KCNN4: variants seen among roughly 807,000 people sequenced by gnomAD.
KCNN4 encodes the protein potassium calcium-activated channel subfamily N member 4.
Under a neutral mutation model 45.2 loss-of-function variants are expected in KCNN4, and 31 were observed. That is an observed-to-expected ratio of 0.69 (90% CI 0.52 to 0.92). KCNN4 has a LOEUF of 0.92. Among genes scored for constraint, KCNN4 ranks in the 40% least tolerant of loss-of-function variants. The pLI, the probability that KCNN4 is intolerant of heterozygous loss-of-function variation, is 0.00. For synonymous variants in KCNN4, 231 were observed against 254.6 expected, an observed-to-expected ratio of 0.91 and a Z score of 0.88; for missense variants, 463 against 574.0, an observed-to-expected ratio of 0.81 and a Z score of 1.98.
chr19:43,768,417 G>A (rs752423898), intron 7 of KCNN4, among the ~76,000 whole-genome samples: 48 of 152,324 alleles, frequency 3.2e-4, no homozygotes, highest in South Asian at 6.2e-4. Context: ...AAGCACTGGC[G>A]AAATCAAATG....
rs1421443221 is a variant in KCNN4, at chr19:43,774,558, G to C, written c.317C>G (p.Ala106Gly). 1 of 1,557,912 alleles carries C rather than the reference G, an allele frequency of 6.4e-7. No homozygotes were observed. Among genetic ancestry groups the C allele is most frequent in the Non-Finnish European group, 8.6e-7 (1 of 1,160,918 alleles). Residue 106 changes from alanine to glycine, a missense_variant, in exon 3 of 9, where the codon GCG (alanine) becomes GGG (glycine). Coordinates refer to ENST00000648319, the MANE Select transcript of KCNN4 (RefSeq NM_002250.3). The surrounding 1 kb of genome is among the most constrained non-coding windows in gnomAD (Gnocchi z 5.6). ...CACCACCAGCTCCAGCACGATCTGCGCCGCCTGCCGCCCGGTCAGCGCCAC... is the reference window on the plus strand; with the variant it reads ...CACCACCAGCTCCAGCACGATCTGCCCCGCCTGCCGCCCGGTCAGCGCCAC... The part of the protein sequence containing the change: ...WRVALTGRQA[A>G]QIVLELVVCG...
intron 2 of KCNN4, 30 bp downstream of exon 2, chr19:43,776,511 A>G: frequency 6.8e-7 from 1 of 1,480,254 alleles, no homozygotes; most frequent in South Asian, 1.1e-5. Context: ...GGTTGGAGGG[A>G]GCAAGGCTTA....
At chr19:43,777,495 C>T (rs1332228350) in intron 1 of KCNN4, among the ~76,000 whole-genome samples, 1 of 152,064 alleles carries the variant, frequency 6.6e-6, no homozygotes, top group East Asian at 1.9e-4. Flanking sequence ...CTGAGTCACA[C>T]CCTTCTCTGC....
At chr19:43,775,391 A>G (rs1038421595) in intron 2 of KCNN4, among the ~76,000 whole-genome samples, 2 of 152,242 alleles carry the variant, frequency 1.3e-5, no homozygotes, top group Admixed American at 6.5e-5. Context: ...TACGCCAGGT[A>G]CTGCTCTATC....
At chr19:43,776,773 T>C (rs1599679917) in intron 1 of KCNN4, 137 bp from the exon 2 acceptor site, 1 of 646,288 alleles carries the variant, frequency 1.5e-6, no homozygotes, top group Non-Finnish European at 2.8e-6. Flanking sequence ...AATCAGTCCC[T>C]CTTGATGTGT....
chr19:43,771,835 A>T (rs539659936), intron 4 of KCNN4, among the ~76,000 whole-genome samples, 165 bp downstream of exon 4: 1 of 152,114 alleles, frequency 6.6e-6, no homozygotes, highest in Non-Finnish European at 1.5e-5. Context: ...ACAGGTGAGT[A>T]TCTTGTTCTT....
Position 43,774,687 on chromosome 19 carries a change from G to A in KCNN4, c.256-68C>T. On this transcript the variant is annotated intron_variant, in intron 2 of 8. Transcript: ENST00000648319. The surrounding 1 kb of genome is among the most constrained non-coding windows in gnomAD (Gnocchi z 5.6). The stretch of plus-strand genomic sequence containing the variant: ...AGGCGCAGGTCAGGCGGCGGCCCGC[G>A]CCTGCCTGCGCCCTGAGATAAGTGG... 2 of 1,340,206 alleles carry A rather than the reference G, an allele frequency of 1.5e-6. No homozygotes were observed. The highest frequency in any genetic ancestry group is 2.0e-6 in the Non-Finnish European group (2 of 1,025,220). 83.0% of individuals were successfully genotyped at this position (1,340,206 alleles called of 1,614,324 possible).
chr19:43,769,069 G>C lies in KCNN4; in HGVS notation c.1050-37C>G. 6.2e-7 allele frequency: 1 copy of C among 1,605,914 alleles called. No individual in the cohort carries two copies. Among genetic ancestry groups the C allele is most frequent in the African/African-American group, 1.3e-5 (1 of 74,884 alleles). On this transcript the variant is annotated intron_variant, in intron 6 of 8. Transcript: ENST00000648319. This position sits in a 1 kb window ranked among gnomAD's most constrained non-coding sequence, Gnocchi z 4.4. ...AGTGGGGAGTCAGTTTTACAAGCCT[G>C]GTCCCTGAATGTAGCTGTAGCTCAG...
rs1969739307 is a variant in KCNN4, at chr19:43,774,505, C to G, written c.370G>C (p.Gly124Arg). ...VCGLHPAPVRGPPCVQDLGAP... is the reference protein window; with the variant it reads ...VCGLHPAPVRRPPCVQDLGAP... ...CCTAAATCCTGCACGCACGGCGGGC[C>G]CCGCACGGGCGCCGGGTGCAGCCCA... Residue 124 changes from glycine to arginine, a missense_variant, in exon 3 of 9, where the codon GGC becomes CGC. Physicochemically the swap from Gly to Arg is moderately radical, Grantham distance 125. Coordinates refer to ENST00000648319, the MANE Select transcript of KCNN4 (RefSeq NM_002250.3). This position sits in a 1 kb window ranked among gnomAD's most constrained non-coding sequence, Gnocchi z 5.6. The G allele has an allele frequency of 5.6e-6, 9 of 1,597,054 alleles. No homozygotes were observed. The East Asian group carries it at 2.0e-4, about 36-fold the overall frequency.
chr19:43,773,579 T>C (rs2146452334), intron 3 of KCNN4, among the ~76,000 whole-genome samples: 1 of 152,344 alleles, frequency 6.6e-6, no homozygotes, highest in East Asian at 1.9e-4. Flanking sequence ...CAGGTGATGC[T>C]GCTGGTCTTG....
Position 43,769,797 on chromosome 19 carries a change from C to G in KCNN4, c.852G>C (p.Val284=), listed in dbSNP as rs1272332709. The change falls in exon 5 of 9, where the codon GTG becomes GTC. Residue 284 remains valine, a synonymous_variant. Transcript: ENST00000648319. This position sits in a 1 kb window ranked among gnomAD's most constrained non-coding sequence, Gnocchi z 4.4. ...GVCCTALLVA[V]VARKLEFNKA... Reference sequence around the variant, plus strand: ...TGTTAAACTCCAGCTTCCGGGCCACCACGGCCACCAGCAGGGCTGTGCAGC... The same window carrying G: ...TGTTAAACTCCAGCTTCCGGGCCACGACGGCCACCAGCAGGGCTGTGCAGC... 6.2e-7 allele frequency: 1 copy of G among 1,613,660 alleles called. No homozygotes were observed. Among genetic ancestry groups the G allele is most frequent in the Non-Finnish European group, 8.5e-7 (1 of 1,179,936 alleles).
At position 43,772,270 on chromosome 19, in the gene KCNN4, C is replaced by G. The variant is rs1333964641; in HGVS notation, c.684-135G>C. The G allele has an allele frequency of 9.7e-6, 9 of 927,714 alleles. No individual in the cohort carries two copies. The highest frequency in any genetic ancestry group is 1.1e-5 in the Non-Finnish European group (7 of 641,146). 57.5% of individuals were successfully genotyped at this position (927,714 alleles called of 1,614,324 possible). A position where few individuals can be genotyped will look rare whatever the true frequency, so the allele number is the denominator to read the frequency against. Reference sequence around the variant, plus strand: ...CCCCTCCCAGTATACACCCATAGTCCTAAGAATCACCTGGACAAAAAGCCA... The same window carrying G: ...CCCCTCCCAGTATACACCCATAGTCGTAAGAATCACCTGGACAAAAAGCCA... On this transcript the variant is annotated intron_variant, in intron 3 of 8. Coordinates refer to ENST00000648319, the MANE Select transcript of KCNN4 (RefSeq NM_002250.3). This position sits in a 1 kb window ranked among gnomAD's most constrained non-coding sequence, Gnocchi z 4.4.
rs1162581117 is a variant in KCNN4 at position 43,774,427 on chromosome 19, C to T, written c.448G>A (p.Ala150Thr). 3.8e-6 allele frequency: 6 copies of T among 1,596,940 alleles called. No individual in the cohort carries two copies. Among genetic ancestry groups the T allele is most frequent in the Middle Eastern group, 1.7e-4 (1 of 6,048 alleles). Residue 150 changes from alanine (A) to threonine (T), a missense_variant, in exon 3 of 9, where the codon GCG becomes ACG. This residue lies in a region of KCNN4 where 225 missense variants were observed against 240.9 expected (regional missense o/e 0.93). Coordinates refer to ENST00000648319, the MANE Select transcript of KCNN4 (RefSeq NM_002250.3). This position sits in a 1 kb window ranked among gnomAD's most constrained non-coding sequence, Gnocchi z 5.6. ...PWPGFLGQGE[A>T]LLSLAMLLRL... ...AGCAGCATGGCCAGGGACAGCAGCG[C>T]TTCCCCTTGGCCCAGGAATCCCGGC...
At position 43,772,367 on chromosome 19, in the gene KCNN4, C is replaced by T. The variant is rs1005269730; in HGVS notation, c.684-232G>A. ...GTGACCTGGGCAAGTTGCTTAGCCA[C>T]TCTGGGATTTGAGACTGGGTCTGGC... On this transcript the variant is annotated intron_variant, in intron 3 of 8. Transcript: ENST00000648319. The surrounding 1 kb of genome is among the most constrained non-coding windows in gnomAD (Gnocchi z 4.4). Among the ~76,000 whole-genome samples the T allele has an allele frequency of 2.6e-5, 4 of 152,148 alleles. No homozygotes were observed. Among genetic ancestry groups the T allele is most frequent in the African/African-American group, 9.7e-5 (4 of 41,416 alleles).
At position 43,774,132 on chromosome 19, in the gene KCNN4, G is replaced by C; in HGVS notation, c.683+60C>G. ...GGCCTCAACCTGCACCGCGGCACAG[G>C]ACGGCCGCCGTGGCTGTCCGGGGTT... On this transcript the variant is annotated intron_variant, in intron 3 of 8. Coordinates refer to ENST00000648319, the MANE Select transcript of KCNN4 (RefSeq NM_002250.3). This position sits in a 1 kb window ranked among gnomAD's most constrained non-coding sequence, Gnocchi z 5.6. 3.3e-6 allele frequency: 5 copies of C among 1,510,622 alleles called. No individual in the cohort carries two copies. The highest frequency in any genetic ancestry group is 3.6e-6 in the Non-Finnish European group (4 of 1,117,578). 93.6% of individuals were successfully genotyped at this position (1,510,622 alleles called of 1,614,324 possible).
intron 1 of KCNN4, among the ~76,000 whole-genome samples, chr19:43,777,685 T>C (rs1011741212): frequency 4.0e-5 from 6 of 151,718 alleles, no homozygotes; most frequent in African/African-American, 7.3e-5. Context: ...TTTTTTTTTT[T>C]CCTCTCTTTG....
At chr19:43,775,956 G>A (rs543400385) in intron 2 of KCNN4, among the ~76,000 whole-genome samples, 4 of 151,772 alleles carry the variant, frequency 2.6e-5, no homozygotes, top group South Asian at 2.1e-4. Context: ...GTGAAACCCC[G>A]TTTCTACTAA....
intron 4 of KCNN4, 57 bp downstream of exon 4, chr19:43,771,943 G>C: frequency 6.6e-7 from 1 of 1,525,220 alleles, no homozygotes; most frequent in Non-Finnish European, 8.8e-7. Context: ...GGCTTCCTGG[G>C]GCCAGAGGAT....
Position 43,778,559 on chromosome 19 carries a change from C to T in KCNN4, c.160-1923G>A, listed in dbSNP as rs747056000. On this transcript the variant is annotated intron_variant, in intron 1 of 8. Coordinates refer to ENST00000648319, the MANE Select transcript of KCNN4 (RefSeq NM_002250.3). The stretch of plus-strand genomic sequence containing the variant: ...CGGCCCTCTATTGTCTTTTCTAACG[C>T]TGTGTGTGTATCTCTCACTGGTGGA... Among the ~76,000 whole-genome samples the T allele has an allele frequency of 7.9e-4, 120 of 152,306 alleles. 1 individual carries two copies. The highest frequency in any genetic ancestry group is 3.4e-3 in the Middle Eastern group (1 of 294).
Sources: allele counts gnomAD v4.1 joint callset (sites outside exome capture counted in the v4.1 genomes callset), GRCh38; gene constraint gnomAD v4.1.1; regional missense constraint gnomAD v4.1.1; non-coding constraint Gnocchi (gnomAD v3.1); transcripts MANE v1.5; gene names NCBI Gene and HGNC (gene_info 2026-07-23, HGNC 2026-07-21).